COCH: variants seen among roughly 807,000 people sequenced by gnomAD.
COCH encodes coagulation factor C homolog, cochlin (Limulus polyphemus).
Under a neutral mutation model 54.8 loss-of-function variants are expected in COCH, and 40 were observed. The observed-to-expected ratio is 0.73, with a 90% CI of 0.57 to 0.95. The LOEUF (loss-of-function observed/expected upper bound fraction) is 0.95. Among genes scored for constraint, COCH ranks in the 40% least tolerant of loss-of-function variants. The probability of loss-of-function intolerance (pLI) is 0.00; values close to 1 mark genes in which losing one functional copy is unlikely to be tolerated. For missense variants in COCH, 605 were observed against 675.0 expected, an observed-to-expected ratio of 0.90 and a Z score of 1.15; for synonymous variants, 256 against 237.9, an observed-to-expected ratio of 1.08 and a Z score of -0.70.
intron 11 of COCH, 48 bp from the exon 12 acceptor site, chr14:30,889,568 A>G: frequency 1.3e-6 from 2 of 1,521,310 alleles, no homozygotes; most frequent in Non-Finnish European, 9.1e-7. Flanking sequence ...AATTCCATAT[A>G]TTAGCTAGAC....
chr14:30,885,459 C>T lies in COCH; in HGVS notation c.799C>T (p.Pro267Ser). ...AGATGCTGGAGTAAGAAAAGGGATCCCCAAAGTGGTGGTGGTATTTATTGA... is the reference window on the plus strand; with the variant it reads ...AGATGCTGGAGTAAGAAAAGGGATCTCCAAAGTGGTGGTGGTATTTATTGA... ...TVDAGVRKGI[P>S]KVVVVFIDGW... Residue 267 changes from proline (P) to serine (S), a missense_variant, in exon 10 of 12, where the codon CCC becomes TCC. Physicochemically the swap from Pro to Ser is moderately conservative, Grantham distance 74. Transcript: ENST00000396618. 1 of 1,614,064 alleles carries T rather than the reference C, an allele frequency of 6.2e-7. No homozygotes were observed. Among genetic ancestry groups the T allele is most frequent in the Non-Finnish European group, 8.5e-7 (1 of 1,179,992 alleles).
chr14:30,874,907 C>T lies in COCH; in HGVS notation c.-23-9C>T. ...CCCTGGCCTTGCCCGCATTCTCCCT[C>T]TCTCCCAGGTGTGAGCAGCCTATCA... On this transcript the variant is annotated splice_polypyrimidine_tract_variant and intron_variant, in intron 1 of 11. Coordinates refer to ENST00000396618, the MANE Select transcript of COCH (RefSeq NM_004086.3). 2.5e-6 allele frequency: 4 copies of T among 1,613,214 alleles called. No individual in the cohort carries two copies. The highest frequency in any genetic ancestry group is 3.4e-6 in the Non-Finnish European group (4 of 1,179,654).
intron 9 of COCH, 83 bp from the exon 10 acceptor site, chr14:30,885,311 T>C (rs1895747345): frequency 1.6e-6 from 2 of 1,223,340 alleles, no homozygotes; most frequent in Admixed American, 1.8e-5. Context: ...TCTTAAACTT[T>C]GCAGCATCAA....
In COCH at chr14:30,877,386, A is replaced by C; in HGVS notation, c.83-186A>C. ...TTTTATAGTGGCTGGGGACTATATT[A>C]AATTGGAAAACAACCTTGTGGCTTG... is the stretch of plus-strand genomic sequence containing the variant. On this transcript the variant is annotated intron_variant, in intron 3 of 11. Transcript: ENST00000396618. This position sits in a 1 kb window ranked among gnomAD's most constrained non-coding sequence, Gnocchi z 8.6. 1 of 666,876 alleles carries C rather than the reference A, an allele frequency of 1.5e-6. No homozygotes were observed. The highest frequency in any genetic ancestry group is 2.5e-6 in the Non-Finnish European group (1 of 398,048). 41.3% of individuals were successfully genotyped at this position (666,876 alleles called of 1,614,324 possible).
At chr14:30,880,306 T>C (rs932878864) in intron 6 of COCH, 146 bp from the exon 7 acceptor site, 1 of 1,210,126 alleles carries the variant, frequency 8.3e-7, no homozygotes, top group Admixed American at 2.1e-5. Context: ...TTGCTTTCCC[T>C]AGTCCAGAAA....
downstream of COCH, chr14:30,894,581 A>G (rs887699857): frequency 1.0e-4 from 16 of 153,182 alleles, no homozygotes; most frequent in African/African-American, 3.9e-4. Context: ...ACTAAACCCC[A>G]CTGTTTCATT....
At position 30,877,919 on chromosome 14, in the gene COCH, C is replaced by A. The variant is rs971618332; in HGVS notation, c.239+191C>A. Among the ~76,000 whole-genome samples, 3 of 152,166 alleles carry A rather than the reference C, an allele frequency of 2.0e-5. No individual in the cohort carries two copies. The highest frequency in any genetic ancestry group is 4.4e-5 in the Non-Finnish European group (3 of 68,022). ...CAAATACACATGGAAAGCTTTCTGACAAAAGGCAAATAGCATTACCTCTTG... is the reference window on the plus strand; with the variant it reads ...CAAATACACATGGAAAGCTTTCTGAAAAAAGGCAAATAGCATTACCTCTTG... On this transcript the variant is annotated intron_variant, in intron 4 of 11. Coordinates refer to ENST00000396618, the MANE Select transcript of COCH (RefSeq NM_004086.3). The surrounding 1 kb of genome is among the most constrained non-coding windows in gnomAD (Gnocchi z 8.6).
At chr14:30,874,847 G>A in intron 1 of COCH, 69 bp from the exon 2 acceptor site, 1 of 1,439,886 alleles carries the variant, frequency 6.9e-7, no homozygotes, top group East Asian at 2.3e-5. Flanking sequence ...GAAGGGTGCG[G>A]GGCTCTGAGG....
chr14:30,894,777 A>G, downstream of COCH: 1 of 226,148 alleles, frequency 4.4e-6, no homozygotes. Flanking sequence ...ACTTCAATAC[A>G]ATCTTGAGCA....
At chr14:30,894,900 T>C (rs1566420571), downstream of COCH, 4 of 1,056,310 alleles carry the variant, frequency 3.8e-6, no homozygotes, top group South Asian at 1.6e-5. Flanking sequence ...TTTCTTTTTT[T>C]TTTTTTTTAA....
At chr14:30,888,858 T>C (rs966904238) in intron 11 of COCH, among the ~76,000 whole-genome samples, 2 of 151,786 alleles carry the variant, frequency 1.3e-5, no homozygotes, top group Non-Finnish European at 2.9e-5. Flanking sequence ...CCAACTAATG[T>C]ATTATTACCC....
intron 9 of COCH, chr14:30,885,017 G>A (rs1266936232): frequency 1.3e-6 from 2 of 1,598,184 alleles, no homozygotes; most frequent in South Asian, 2.2e-5. Context: ...CACTACCGTT[G>A]ACTCTGAAGA....
chr14:30,875,225 G>A, intron 3 of COCH, 122 bp downstream of exon 3: 1 of 1,359,880 alleles, frequency 7.4e-7, no homozygotes, highest in Admixed American at 2.2e-5. Context: ...AAGGCGCGAA[G>A]GTTGAGCCGC....
At chr14:30,891,406 T>G (rs997699765), downstream of COCH, among the ~76,000 whole-genome samples, 9 of 152,294 alleles carry the variant, frequency 5.9e-5, no homozygotes, top group African/African-American at 2.2e-4. Flanking sequence ...CTCCAGTAAA[T>G]CTTCTGAGTC....
rs147841606 is a variant in COCH, at chr14:30,879,478, A to G, written c.429A>G (p.Pro143=). 9.3e-5 allele frequency: 150 copies of G among 1,614,130 alleles called. 1 individual carries two copies. The African/African-American group carries it at 1.4e-3, about 15-fold the overall frequency. Residue 143 remains proline (P), a synonymous_variant, in exon 6 of 12, where the codon CCA becomes CCG. Transcript: ENST00000396618. ...ATGQAVSTAH[P]PTGKRLKKTP... ...GACAAGCAGTGTCCACAGCACATCC[A>G]CCAACAGGTATGAACTATGAAACCT...
chr14:30,892,241 T>C (rs1362003309), downstream of COCH, among the ~76,000 whole-genome samples: 4 of 152,176 alleles, frequency 2.6e-5, no homozygotes, highest in Non-Finnish European at 4.4e-5. Context: ...CCAAAGGAGA[T>C]AGAACAAAAT....
intron 5 of COCH, 54 bp downstream of exon 5, chr14:30,878,998 T>C: frequency 6.2e-7 from 1 of 1,604,670 alleles, no homozygotes; most frequent in Non-Finnish European, 8.5e-7. Flanking sequence ...CCCAAACGTT[T>C]TCTGCTTTTT....
Position 30,877,677 on chromosome 14 carries a change from G to C in COCH, c.188G>C (p.Gly63Ala), listed in dbSNP as rs776514642. ...GCPLEEFSVY[G>A]NIVYASVSSI... ...CCTCTTGAGGAATTCTCTGTGTATGGGAACATAGTATATGCTTCTGTATCG... is the reference window on the plus strand; with the variant it reads ...CCTCTTGAGGAATTCTCTGTGTATGCGAACATAGTATATGCTTCTGTATCG... Residue 63 changes from glycine to alanine, a missense_variant, in exon 4 of 12, where the codon GGG becomes GCG. Transcript: ENST00000396618. This position sits in a 1 kb window ranked among gnomAD's most constrained non-coding sequence, Gnocchi z 8.6. 1 of 1,614,044 alleles carries C rather than the reference G, an allele frequency of 6.2e-7. No individual in the cohort carries two copies. Among genetic ancestry groups the C allele is most frequent in the Non-Finnish European group, 8.5e-7 (1 of 1,180,042 alleles).
At chr14:30,892,433 AGAG>A (rs1896005519), downstream of COCH, among the ~76,000 whole-genome samples, 1 of 152,226 alleles carries the variant, frequency 6.6e-6, no homozygotes, top group African/African-American at 2.4e-5. Flanking sequence ...AAGAAACAGA[AGAG>A]GAGAAAAGTA....
Sources: gnomAD v4.1 joint callset for allele counts (sites outside exome capture counted in the v4.1 genomes callset) on GRCh38, gnomAD v4.1.1 for gene constraint, Gnocchi (gnomAD v3.1) non-coding constraint, MANE v1.5 for transcripts, NCBI Gene and HGNC (gene_info 2026-07-23, HGNC 2026-07-21) for gene names.